The following FGF12 variants were observed in gnomAD, a reference collection of about 807,000 sequenced individuals.
The protein encoded by FGF12 is fibroblast growth factor 12B.
In FGF12, 14 loss-of-function variants were observed where a neutral mutation model predicts 23.6. That is an observed-to-expected ratio of 0.59 (90% confidence interval 0.39 to 0.93). The LOEUF is 0.93. Ranked by LOEUF, FGF12 falls within the 40% of genes least tolerant of loss-of-function variation. FGF12 has a pLI of 0.00. For missense variants in FGF12, 175 were observed against 217.8 expected (o/e 0.80, Z 1.24); for synonymous variants, 62 against 77.3 (o/e 0.80, Z 1.04).
At chr3:192,439,463 C>T (rs772999686) in intron 2 of FGF12, among the ~76,000 whole-genome samples, 5 of 152,170 alleles carry the variant, frequency 3.3e-5, no homozygotes, top group Non-Finnish European at 7.3e-5. Flanking sequence ...GAATCAGAAT[C>T]GTCCCATTTT....
Position 192,432,349 on chromosome 3 carries a change from T to G in FGF12, c.14-71811A>C, listed in dbSNP as rs958466504. The stretch of plus-strand genomic sequence containing the variant: ...AAGGAATGACGGTAAGGCCAGACCT[T>G]AAAGAATAAGAGACATTCCAAAAAC... On this transcript the variant is annotated intron_variant, in intron 2 of 5. Coordinates refer to ENST00000445105, the MANE Select transcript of FGF12 (RefSeq NM_004113.6). Among the ~76,000 whole-genome samples, 4 of 152,214 alleles carry G rather than the reference T, an allele frequency of 2.6e-5. 1 individual carries two copies. The South Asian group carries it at 8.3e-4, about 32-fold the overall frequency.
intron 4 of FGF12, among the ~76,000 whole-genome samples, chr3:192,186,442 T>C (rs1357469468): frequency 6.6e-6 from 1 of 152,244 alleles, no homozygotes; most frequent in Non-Finnish European, 1.5e-5. Context: ...CTTATATATG[T>C]GGTTGTGCAC....
intron 2 of FGF12, among the ~76,000 whole-genome samples, chr3:192,482,776 T>C (rs1723515311): frequency 6.6e-6 from 1 of 152,084 alleles, no homozygotes; most frequent in Admixed American, 6.6e-5. Context: ...AACAAAATAA[T>C]AATAAAATTT....
chr3:192,496,869 TG>T (rs1488090292), intron 2 of FGF12, among the ~76,000 whole-genome samples: 1 of 152,200 alleles, frequency 6.6e-6, no homozygotes, highest in Non-Finnish European at 1.5e-5. Flanking sequence ...CTACTCCTTC[TG>T]GGTTTTTGGT....
intron 2 of FGF12, among the ~76,000 whole-genome samples, chr3:192,478,301 T>TTAATTTACTTA (rs1173327931): frequency 6.6e-6 from 1 of 152,136 alleles, no homozygotes; most frequent in East Asian, 1.9e-4. Flanking sequence ...TTAATGTGGG[T>TTAATTTACTTA]TAAGTAATTT....
intron 2 of FGF12, among the ~76,000 whole-genome samples, chr3:192,577,296 T>C (rs1287800591): frequency 1.3e-5 from 2 of 152,244 alleles, no homozygotes; most frequent in Non-Finnish European, 2.9e-5. Context: ...TTCTTTTCTA[T>C]ACTTTTCTAC....
chr3:192,253,750 T>G (rs979298424), intron 4 of FGF12, among the ~76,000 whole-genome samples: 1 of 152,004 alleles, frequency 6.6e-6, no homozygotes, highest in African/African-American at 2.4e-5. Flanking sequence ...TGCAGGAAAT[T>G]TTCCCCACAG....
At chr3:192,160,111 A>G (rs993089603) in intron 5 of FGF12, among the ~76,000 whole-genome samples, 5 of 152,104 alleles carry the variant, frequency 3.3e-5, no homozygotes, top group Non-Finnish European at 7.4e-5. Flanking sequence ...GTCTACCTTC[A>G]AAATAAATTC....
At position 192,573,576 on chromosome 3, in the gene FGF12, T is replaced by G. The variant is rs528443702; in HGVS notation, c.13+153605A>C. On this transcript the variant is annotated intron_variant, in intron 2 of 5. Transcript: ENST00000445105. Reference sequence around the variant, plus strand: ...AGCCTACTAGCCTTCGGACTTAAACTGGGACACTGGCTCTGCAGACAGTGG... The same window carrying G: ...AGCCTACTAGCCTTCGGACTTAAACGGGGACACTGGCTCTGCAGACAGTGG... 5.3e-5 allele frequency among the ~76,000 whole-genome samples: 8 copies of G among 152,256 alleles called. No individual in the cohort carries two copies. The South Asian group carries it at 1.7e-3, about 32-fold the overall frequency.
chr3:192,519,361 A>G lies in FGF12; in HGVS notation c.14-158823T>C, dbSNP rs369348545. Among the ~76,000 whole-genome samples, 91 of 152,286 alleles carry G rather than the reference A, an allele frequency of 6.0e-4. 1 individual carries two copies. Among genetic ancestry groups the G allele is most frequent in the African/African-American group, 1.9e-3 (81 of 41,564 alleles). On this transcript the variant is annotated intron_variant, in intron 2 of 5. Transcript: ENST00000445105. ...ATGTCTTTCAATTTGGATTTGTCCA[A>G]TGTCTTCTAATGATTAGTCTAAGGT...
chr3:192,304,313 G>A lies in FGF12; in HGVS notation c.228+31048C>T, dbSNP rs145546285. Among the ~76,000 whole-genome samples, 563 of 152,210 alleles carry A rather than the reference G, an allele frequency of 3.7e-3. 6 individuals are homozygous for A. Among genetic ancestry groups the A allele is most frequent in the African/African-American group, 0.013 (530 of 41,530 alleles). ...CTACTTCCCCTGTTGGGCACCGAGC[G>A]CTTTACTTTTGCTGTCTCCTCCTGA... On this transcript the variant is annotated intron_variant, in intron 4 of 5. Coordinates refer to ENST00000445105, the MANE Select transcript of FGF12 (RefSeq NM_004113.6).
chr3:192,164,715 C>T (rs972313714), intron 5 of FGF12, among the ~76,000 whole-genome samples: 9 of 152,108 alleles, frequency 5.9e-5, no homozygotes, highest in Non-Finnish European at 1.0e-4. Context: ...GCTCATTTAC[C>T]GTGCAGTGCT....
In FGF12 at chr3:192,140,393, T is replaced by G. The variant is rs559101281; in HGVS notation, c.*3616A>C. Reference sequence around the variant, plus strand: ...TTAAGCAATATCATGGAAAACCTTCTCAAGAGCAAGGCCTTGTAGACTAAG... The same window carrying G: ...TTAAGCAATATCATGGAAAACCTTCGCAAGAGCAAGGCCTTGTAGACTAAG... On this transcript the variant is annotated 3_prime_UTR_variant, in exon 6 of 6. Coordinates refer to ENST00000445105, the MANE Select transcript of FGF12 (RefSeq NM_004113.6). 2.6e-5 allele frequency: 4 copies of G among 152,132 alleles called. No homozygotes were observed. The highest frequency in any genetic ancestry group is 9.6e-5 in the African/African-American group (4 of 41,558). The allele number at this position is 152,132 out of a possible 1,614,324, so 9.4% of individuals were successfully genotyped here.
intron 4 of FGF12, among the ~76,000 whole-genome samples, chr3:192,242,461 T>C (rs1215853490): frequency 6.6e-6 from 1 of 152,072 alleles, no homozygotes; most frequent in African/African-American, 2.4e-5. Context: ...ATTGTTCCAG[T>C]TGAGAACCAC....
chr3:192,601,607 G>A (rs1714117366), intron 2 of FGF12, among the ~76,000 whole-genome samples: 1 of 152,102 alleles, frequency 6.6e-6, no homozygotes, highest in Non-Finnish European at 1.5e-5. Flanking sequence ...CTGGTTGCTA[G>A]GGGTTAGTGA....
intron 4 of FGF12, among the ~76,000 whole-genome samples, chr3:192,275,244 A>G (rs1405023413): frequency 6.6e-6 from 1 of 152,134 alleles, no homozygotes; most frequent in East Asian, 1.9e-4. Flanking sequence ...TAAGTTGTTT[A>G]TTTGACCTTT....
chr3:192,188,894 T>A (rs1344664680), intron 4 of FGF12, among the ~76,000 whole-genome samples: 1 of 152,242 alleles, frequency 6.6e-6, no homozygotes, highest in African/African-American at 2.4e-5. Context: ...TTTTTCAAGT[T>A]CACAACATTT....
rs533862580 is a variant in FGF12, at chr3:192,238,783, T to G, written c.229-68127A>C. 9 of 152,362 alleles carry G rather than the reference T, an allele frequency of 5.9e-5. No homozygotes were observed. In the South Asian group the frequency reaches 1.9e-3, roughly 32 times the overall value. The allele number at this position is 152,362 out of a possible 1,614,324, so 9.4% of individuals were successfully genotyped here. A position where few individuals can be genotyped will look rare whatever the true frequency, so the allele number is the denominator to read the frequency against. ...AGGTCCAAAGTTTACTCTAACTCAG[T>G]GAATTCCTTTGGTCATTCCACATGT... On this transcript the variant is annotated intron_variant, in intron 4 of 5. Transcript: ENST00000445105.
At chr3:192,309,954 G>C (rs1185168766) in intron 4 of FGF12, among the ~76,000 whole-genome samples, 2 of 151,998 alleles carry the variant, frequency 1.3e-5, no homozygotes, top group Non-Finnish European at 2.9e-5. Context: ...CTTTTTAAGA[G>C]ATGGGCTGAA....
Sources: gnomAD v4.1 joint callset for allele counts (sites outside exome capture counted in the v4.1 genomes callset) on GRCh38, gnomAD v4.1.1 for gene constraint, MANE v1.5 for transcripts, NCBI Gene and HGNC (gene_info 2026-07-23, HGNC 2026-07-21) for gene names.